Variants in TMEM163 observed in about 807,000 individuals in gnomAD.
TMEM163 encodes transmembrane protein 163.
A neutral mutation model predicts 29.3 loss-of-function variants in TMEM163; 17 were observed. The observed-to-expected ratio is 0.58, with a 90% CI of 0.40 to 0.87. TMEM163 has a LOEUF of 0.87. Among genes scored for constraint, TMEM163 ranks in the 40% least tolerant of loss-of-function variants. TMEM163 has a pLI of 0.00. For missense variants in TMEM163, 303 were observed against 381.5 expected (o/e 0.79, Z 1.71); for synonymous variants, 157 against 160.6 (o/e 0.98, Z 0.17).
intron 4 of TMEM163, among the ~76,000 whole-genome samples, chr2:134,503,943 T>C (rs1007554260): frequency 1.3e-5 from 2 of 152,080 alleles, no homozygotes; most frequent in African/African-American, 4.8e-5. Flanking sequence ...AAATATCAGA[T>C]GAAGAGGGAG....
In TMEM163 at chr2:134,456,471, G is replaced by A. The variant is rs2289469; in HGVS notation, c.*245C>T. ...CATCATACTCCAGAGACTAAAAAACGCCAGTCCCAGCTGGAGACGGGGAAG... is the reference window on the plus strand; with the variant it reads ...CATCATACTCCAGAGACTAAAAAACACCAGTCCCAGCTGGAGACGGGGAAG... On this transcript the variant is annotated 3_prime_UTR_variant, in exon 8 of 8. Coordinates refer to ENST00000281924, the MANE Select transcript of TMEM163 (RefSeq NM_030923.5). The A allele has an allele frequency of 0.24, 128,384 of 533,632 alleles. 18,984 individuals carry two copies. The highest frequency in any genetic ancestry group is 0.49 in the African/African-American group (25,517 of 52,310). 33.1% of individuals were successfully genotyped at this position (533,632 alleles called of 1,614,324 possible).
Position 134,457,999 on chromosome 2 carries a change from C to T in TMEM163, c.809+33G>A, listed in dbSNP as rs755242921. On this transcript the variant is annotated intron_variant, in intron 7 of 7. Transcript: ENST00000281924. ...GTGGAAAAGGGACACTCCTAGCTGC[C>T]AGGAAAGCAAACAGGAAAGCACAAG... The T allele has an allele frequency of 6.8e-6, 11 of 1,613,482 alleles. No individual in the cohort carries two copies. In the Admixed American group the frequency reaches 1.0e-4, roughly 15 times the overall value.
At chr2:134,637,844 G>A (rs549628208) in intron 2 of TMEM163, among the ~76,000 whole-genome samples, 1 of 152,310 alleles carries the variant, frequency 6.6e-6, no homozygotes, top group East Asian at 1.9e-4. Flanking sequence ...TTATTTGGAA[G>A]TTTGATGATG....
At chr2:134,621,554 C>T (rs188859737) in intron 2 of TMEM163, among the ~76,000 whole-genome samples, 5 of 152,306 alleles carry the variant, frequency 3.3e-5, no homozygotes, top group African/African-American at 1.2e-4. Flanking sequence ...ACTCATAACA[C>T]CCCAAAGCTG....
intron 2 of TMEM163, among the ~76,000 whole-genome samples, chr2:134,576,045 G>A (rs1681547979): frequency 1.3e-5 from 2 of 152,148 alleles, no homozygotes; most frequent in African/African-American, 4.8e-5. Flanking sequence ...GGATTTGAAG[G>A]TGCAGGGCTG....
intron 5 of TMEM163, among the ~76,000 whole-genome samples, chr2:134,473,177 TAAAAG>T (rs1223711221): frequency 1.3e-5 from 2 of 151,930 alleles, no homozygotes; most frequent in Non-Finnish European, 2.9e-5. Context: ...AAGAAAAAAT[TAAAAG>T]AAAATCAAAT....
At chr2:134,664,810 G>T (rs1683836113) in intron 2 of TMEM163, among the ~76,000 whole-genome samples, 1 of 152,188 alleles carries the variant, frequency 6.6e-6, no homozygotes, top group Admixed American at 6.5e-5. Flanking sequence ...AGCCCTGTGA[G>T]ACTCGGCTCA....
chr2:134,478,952 G>A (rs1686980665), intron 5 of TMEM163, among the ~76,000 whole-genome samples: 1 of 152,158 alleles, frequency 6.6e-6, no homozygotes, highest in Non-Finnish European at 1.5e-5. Context: ...CCTCATCCTG[G>A]GGTGGAAGGG....
At chr2:134,577,175 G>A (rs1461028184) in intron 2 of TMEM163, among the ~76,000 whole-genome samples, 1 of 152,174 alleles carries the variant, frequency 6.6e-6, no homozygotes, top group Non-Finnish European at 1.5e-5. Flanking sequence ...GACATTTAAT[G>A]TCATATACAC....
chr2:134,701,132 C>G lies in TMEM163; in HGVS notation c.322+12068G>C, dbSNP rs566634579. ...ACACTAAACATGTTGTTTTGGTACTCCAAAGTAAATTCAAAACAAATTAAA... is the reference window on the plus strand; with the variant it reads ...ACACTAAACATGTTGTTTTGGTACTGCAAAGTAAATTCAAAACAAATTAAA... On this transcript the variant is annotated intron_variant, in intron 2 of 7. Transcript: ENST00000281924. 3.3e-5 allele frequency among the ~76,000 whole-genome samples: 5 copies of G among 150,368 alleles called. No homozygotes were observed. In the South Asian group the frequency reaches 1.1e-3, roughly 32 times the overall value.
At chr2:134,615,087 A>G (rs1682580781) in intron 2 of TMEM163, among the ~76,000 whole-genome samples, 2 of 152,206 alleles carry the variant, frequency 1.3e-5, no homozygotes, top group Admixed American at 6.5e-5. Flanking sequence ...GAGTGCATGT[A>G]CTAAAGGTCT....
At chr2:134,712,913 A>C (rs991870189) in intron 2 of TMEM163, among the ~76,000 whole-genome samples, 1 of 152,098 alleles carries the variant, frequency 6.6e-6, no homozygotes, top group African/African-American at 2.4e-5. Flanking sequence ...GGCATCCACC[A>C]AGAGTATTTT....
At chr2:134,677,724 T>C (rs1019693763) in intron 2 of TMEM163, among the ~76,000 whole-genome samples, 1 of 152,162 alleles carries the variant, frequency 6.6e-6, no homozygotes, top group African/African-American at 2.4e-5. Flanking sequence ...GAGTAGAGGA[T>C]TATTTCCCAT....
intron 4 of TMEM163, among the ~76,000 whole-genome samples, chr2:134,503,861 C>T (rs1313450483): frequency 6.6e-6 from 1 of 151,888 alleles, no homozygotes; most frequent in African/African-American, 2.4e-5. Context: ...CACAACAAAT[C>T]TCAGGATGGA....
At chr2:134,505,675 A>T (rs774750690) in intron 4 of TMEM163, among the ~76,000 whole-genome samples, 3 of 152,290 alleles carry the variant, frequency 2.0e-5, no homozygotes, top group Admixed American at 1.3e-4. Flanking sequence ...GAAGGAACAA[A>T]TGCCTGCTTC....
intron 4 of TMEM163, among the ~76,000 whole-genome samples, chr2:134,523,169 T>C (rs1680223664): frequency 6.6e-6 from 1 of 152,176 alleles, no homozygotes; most frequent in African/African-American, 2.4e-5. Context: ...AAAAAGGGCT[T>C]CCAGTTCAAA....
intron 2 of TMEM163, among the ~76,000 whole-genome samples, chr2:134,612,812 T>C (rs1682535276): frequency 6.6e-6 from 1 of 152,164 alleles, no homozygotes; most frequent in Non-Finnish European, 1.5e-5. Flanking sequence ...TTTCCAGAGT[T>C]GCCACATTAT....
chr2:134,670,265 A>G (rs1683964428), intron 2 of TMEM163, among the ~76,000 whole-genome samples: 1 of 151,934 alleles, frequency 6.6e-6, no homozygotes, highest in Non-Finnish European at 1.5e-5. Flanking sequence ...AAAAAGTAAG[A>G]GTTTAATTTT....
rs539950836 is a variant in TMEM163 at position 134,478,083 on chromosome 2, C to T, written c.556-11858G>A. Among the ~76,000 whole-genome samples the T allele has an allele frequency of 3.0e-4, 46 of 152,318 alleles. No individual in the cohort carries two copies. In the South Asian group the frequency reaches 9.1e-3, roughly 30 times the overall value. On this transcript the variant is annotated intron_variant, in intron 5 of 7. Transcript: ENST00000281924. ...AACCTCCTTGTTCCCACTCTTGCTA[C>T]TGCTCTCACCGTGTGATTCCTTGGC...
Sources: allele counts gnomAD v4.1 joint callset (sites outside exome capture counted in the v4.1 genomes callset), GRCh38; gene constraint gnomAD v4.1.1; transcripts MANE v1.5; gene names NCBI Gene and HGNC (gene_info 2026-07-23, HGNC 2026-07-21).